LYST: variants seen among roughly 807,000 people sequenced by gnomAD.
LYST encodes the protein lysosomal trafficking regulator, also known as lysosomal-trafficking regulator.
A neutral mutation model predicts 413.6 loss-of-function variants in LYST; 192 were observed. The observed-to-expected ratio is 0.46, with a 90% confidence interval of 0.41 to 0.52. The LOEUF is 0.52. Ranked by LOEUF, LYST falls within the 20% of genes least tolerant of loss-of-function variation. The pLI is 0.00. For synonymous variants in LYST, 1,525 were observed against 1,567.3 expected, an observed-to-expected ratio of 0.97 and a Z score of 0.64; for missense variants, 3,815 against 4,499.9, an observed-to-expected ratio of 0.85 and a Z score of 4.35.
In LYST at chr1:235,780,969, G is replaced by A; in HGVS notation, c.5110C>T (p.Pro1704Ser). 1 of 1,605,782 alleles carries A rather than the reference G, an allele frequency of 6.2e-7. No homozygotes were observed. Among genetic ancestry groups the A allele is most frequent in the African/African-American group, 1.3e-5 (1 of 74,858 alleles). ...TSVMPCKYGK[P>S]VNDYSKYINK... ...ATATATTTGGAGTAGTCATTGACTG[G>A]CTTGCCATACTTACATGGCATTACA... Residue 1704 changes from proline to serine, a missense_variant, in exon 16 of 53, where the codon CCA (proline) becomes TCA (serine). By Grantham distance (74) the Pro-to-Ser change is moderately conservative (BLOSUM62 -1). Coordinates refer to ENST00000389793, the MANE Select transcript of LYST (RefSeq NM_000081.4).
chr1:235,677,313 T>C (rs1195964202), intron 49 of LYST, 125 bp from the exon 50 acceptor site: 10 of 1,050,516 alleles, frequency 9.5e-6, no homozygotes, highest in East Asian at 2.6e-5. Flanking sequence ...TCCTATCTGA[T>C]TGTATGACTT....
intron 24 of LYST, among the ~76,000 whole-genome samples, chr1:235,756,333 T>C (rs1667050874): frequency 6.6e-6 from 1 of 152,176 alleles, no homozygotes; most frequent in Non-Finnish European, 1.5e-5. Flanking sequence ...AATCCTTCCG[T>C]TTCCCCTATG....
intron 38 of LYST, 148 bp from the exon 39 acceptor site, chr1:235,724,328 A>G: frequency 1.5e-6 from 1 of 648,090 alleles, no homozygotes. Context: ...CTCCCAATGC[A>G]AAACACCTCA....
intron 17 of LYST, 46 bp from the exon 18 acceptor site, chr1:235,775,132 G>A: frequency 1.4e-6 from 2 of 1,440,830 alleles, no homozygotes; most frequent in Non-Finnish European, 1.9e-6. Flanking sequence ...AATTTGCTGA[G>A]AGTAAAAATT....
chr1:235,845,705 G>C (rs1677764529), intron 1 of LYST, among the ~76,000 whole-genome samples: 1 of 152,028 alleles, frequency 6.6e-6, no homozygotes. Context: ...TGAGGGCTCC[G>C]ACTGCTGGCT....
At chr1:235,824,770 C>A (rs1675142753) in intron 3 of LYST, among the ~76,000 whole-genome samples, 1 of 152,086 alleles carries the variant, frequency 6.6e-6, no homozygotes, top group South Asian at 2.1e-4. Context: ...GCCTGTAATC[C>A]CAGCACTTTG....
chr1:235,850,632 G>C (rs181186224), intron 1 of LYST, among the ~76,000 whole-genome samples: 2 of 152,168 alleles, frequency 1.3e-5, no homozygotes, highest in East Asian at 3.9e-4. Flanking sequence ...CTATACATCT[G>C]ACAAAGGACT....
At chr1:235,795,356 C>A (rs1267755331) in intron 10 of LYST, among the ~76,000 whole-genome samples, 3 of 152,110 alleles carry the variant, frequency 2.0e-5, no homozygotes, top group African/African-American at 7.2e-5. Context: ...GTACAGTCTG[C>A]AGACTGAACA....
chr1:235,781,098 A>C lies in LYST; in HGVS notation c.5024-43T>G, dbSNP rs7543060. The C allele has an allele frequency of 8.8e-3, 10,902 of 1,243,592 alleles. 684 individuals are homozygous for C. In the African/African-American group the frequency reaches 0.14, roughly 16 times the overall value. The allele number at this position is 1,243,592 out of a possible 1,614,324, so 77.0% of individuals were successfully genotyped here. A position where few individuals can be genotyped will look rare whatever the true frequency, so the allele number is the denominator to read the frequency against. On this transcript the variant is annotated intron_variant, in intron 15 of 52. Coordinates refer to ENST00000389793, the MANE Select transcript of LYST (RefSeq NM_000081.4). ...AAAGTTAGTTATTTAAAACACCCTA[A>C]CCAGAATTTTTCATAAAAAGCAAGA...
intron 1 of LYST, among the ~76,000 whole-genome samples, chr1:235,836,680 G>A (rs1410149246): frequency 6.6e-6 from 1 of 152,142 alleles, no homozygotes; most frequent in Non-Finnish European, 1.5e-5. Flanking sequence ...GGAAATAGAA[G>A]TGTTCCCCTG....
chr1:235,772,493 G>A (rs1328353918), intron 19 of LYST, among the ~76,000 whole-genome samples: 1 of 151,920 alleles, frequency 6.6e-6, no homozygotes, highest in African/African-American at 2.4e-5. Flanking sequence ...AACTAAGAAG[G>A]CTGTATGAGC....
At chr1:235,793,710 T>C (rs1277773983) in intron 10 of LYST, 98 bp from the exon 11 acceptor site, 17 of 659,992 alleles carry the variant, frequency 2.6e-5, no homozygotes, top group Middle Eastern at 2.9e-4. Flanking sequence ...TTGTCACTTT[T>C]TGAATGGATT....
intron 3 of LYST, among the ~76,000 whole-genome samples, chr1:235,816,074 G>A (rs1377679837): frequency 1.5e-5 from 2 of 130,398 alleles, no homozygotes; most frequent in East Asian, 2.7e-4. Flanking sequence ...AAGATGCAGT[G>A]AGCCAAGATC....
chr1:235,882,186 T>C (rs1163765414), intron 1 of LYST, among the ~76,000 whole-genome samples: 1 of 151,634 alleles, frequency 6.6e-6, no homozygotes, highest in African/African-American at 2.4e-5. Context: ...GGCTTTGTCT[T>C]GAAAAAAGAG....
chr1:235,743,113 A>T (rs1047580564), intron 30 of LYST, among the ~76,000 whole-genome samples: 2 of 152,162 alleles, frequency 1.3e-5, no homozygotes, highest in African/African-American at 4.8e-5. Flanking sequence ...GTATCCTCTG[A>T]AGATAAGGGG....
At chr1:235,820,441 C>T (rs1228690988) in intron 3 of LYST, among the ~76,000 whole-genome samples, 1 of 151,882 alleles carries the variant, frequency 6.6e-6, no homozygotes, top group African/African-American at 2.4e-5. Flanking sequence ...ACAATCATGG[C>T]TCACTGCAAC....
rs116350192 is a variant in LYST, at chr1:235,763,970, C to T, written c.6122-1119G>A. Among the ~76,000 whole-genome samples the T allele has an allele frequency of 2.9e-3, 435 of 152,240 alleles. 2 individuals are homozygous for T. The highest frequency in any genetic ancestry group is 9.7e-3 in the African/African-American group (405 of 41,542). The stretch of plus-strand genomic sequence containing the variant: ...ACCTTCCAGTGGCTTTCTATGCCTC[C>T]TTACCACCTTGGATAAAACCCAAGC... On this transcript the variant is annotated intron_variant, in intron 21 of 52. Transcript: ENST00000389793.
At position 235,686,119 on chromosome 1, in the gene LYST, C is replaced by T. The variant is rs773328085; in HGVS notation, c.10800+830G>A. On this transcript the variant is annotated intron_variant, in intron 48 of 52. Transcript: ENST00000389793. This position sits in a 1 kb window ranked among gnomAD's most constrained non-coding sequence, Gnocchi z 4.0. ...TGATGGCTCACACCTATAATCCCAG[C>T]ACTTTGGGAGGCCGAGGTGGGAGGA... 3.9e-5 allele frequency among the ~76,000 whole-genome samples: 6 copies of T among 152,236 alleles called. No homozygotes were observed. The highest frequency in any genetic ancestry group is 5.9e-5 in the Non-Finnish European group (4 of 68,014).
chr1:235,732,388 G>C (rs1664460378), intron 34 of LYST, among the ~76,000 whole-genome samples: 1 of 151,786 alleles, frequency 6.6e-6, no homozygotes, highest in South Asian at 2.1e-4. Flanking sequence ...CTGTAGCCTT[G>C]AACTCCTGGG....
Sources: gnomAD v4.1 joint callset for allele counts (sites outside exome capture counted in the v4.1 genomes callset) on GRCh38, gnomAD v4.1.1 for gene constraint, Gnocchi (gnomAD v3.1) non-coding constraint, MANE v1.5 for transcripts, NCBI Gene and HGNC (gene_info 2026-07-23, HGNC 2026-07-21) for gene names.